KIAA1671: variants seen among roughly 807,000 people sequenced by gnomAD.
The protein encoded by KIAA1671 is KIAA1671, also known as uncharacterized protein KIAA1671.
Under a neutral mutation model 131.2 loss-of-function variants are expected in KIAA1671, and 52 were observed. The ratio of observed to expected loss-of-function variants is 0.40; its 90% CI spans 0.32 to 0.50. The LOEUF is 0.50. Ranked by LOEUF, KIAA1671 falls within the 20% of genes least tolerant of loss-of-function variation. The pLI, the probability that KIAA1671 is intolerant of heterozygous loss-of-function variation, is 0.73. For missense variants in KIAA1671, 2,360 were observed against 2,364.2 expected (o/e 1.00, Z 0.04); for synonymous variants, 1,003 against 961.6 (o/e 1.04, Z -0.80).
intron 6 of KIAA1671, among the ~76,000 whole-genome samples, chr22:25,078,664 G>A (rs1025820873): frequency 3.9e-5 from 6 of 152,226 alleles, no homozygotes; most frequent in African/African-American, 7.2e-5. Context: ...AGCAATTACT[G>A]TTACCAGCTT....
rs1270403113 is a variant in KIAA1671, at chr22:25,027,931, TTTTG to T, written c.-55-6_-55-3del. 102 of 1,205,820 alleles carry T rather than the reference TTTTG, an allele frequency of 8.5e-5. No individual in the cohort carries two copies. Among genetic ancestry groups the T allele is most frequent in the African/African-American group, 1.7e-4 (11 of 65,048 alleles). 74.7% of individuals were successfully genotyped at this position (1,205,820 alleles called of 1,614,324 possible). On this transcript the variant is annotated splice_polypyrimidine_tract_variant and intron_variant, in intron 2 of 12. Transcript: ENST00000358431. ...TTTTCCAAATTTACTTGTTTGTTTG[TTTTG>T]TTTGTTTAGCAATTGCTTCTCCATT...
At chr22:25,105,185 C>G (rs1311945836) in intron 6 of KIAA1671, among the ~76,000 whole-genome samples, 1 of 152,102 alleles carries the variant, frequency 6.6e-6, no homozygotes, top group Non-Finnish European at 1.5e-5. Context: ...CCACTCCCAG[C>G]TAATTTTTAC....
intron 1 of KIAA1671, among the ~76,000 whole-genome samples, chr22:24,994,264 G>T (rs1283877828): frequency 6.6e-6 from 1 of 152,078 alleles, no homozygotes; most frequent in East Asian, 1.9e-4. Flanking sequence ...AGGAAAGAGT[G>T]GTGTCATAGG....
chr22:25,044,430 G>A (rs1283050672), intron 5 of KIAA1671, among the ~76,000 whole-genome samples: 1 of 152,156 alleles, frequency 6.6e-6, no homozygotes, highest in Non-Finnish European at 1.5e-5. Context: ...CCCGCTGGTG[G>A]TGGGGGAGTC....
At chr22:25,145,950 A>T (rs1323047131) in intron 6 of KIAA1671, among the ~76,000 whole-genome samples, 1 of 152,004 alleles carries the variant, frequency 6.6e-6, no homozygotes, top group Non-Finnish European at 1.5e-5. Context: ...TAAAAGAAAA[A>T]AAAAAAAAAA....
At chr22:24,966,371 C>T (rs1281176658) in intron 1 of KIAA1671, among the ~76,000 whole-genome samples, 2 of 152,200 alleles carry the variant, frequency 1.3e-5, no homozygotes, top group Admixed American at 1.3e-4. Context: ...GGTCACTGTA[C>T]ACTCACACCA....
chr22:25,012,938 C>T (rs554570422), intron 1 of KIAA1671: 17 of 152,390 alleles, frequency 1.1e-4, no homozygotes, highest in African/African-American at 4.1e-4. Flanking sequence ...GTGGCTACCT[C>T]CCACCTCTCA....
At chr22:25,051,262 C>T (rs1927517850) in intron 6 of KIAA1671, 1 of 152,228 alleles carries the variant, frequency 6.6e-6, no homozygotes, top group Non-Finnish European at 1.5e-5. Context: ...TGTTCAGCTC[C>T]TATCCTGGTG....
rs561603121 is a variant in KIAA1671 at position 24,996,884 on chromosome 22, T to G, written c.-207-28749T>G. Among the ~76,000 whole-genome samples, 5 of 151,890 alleles carry G rather than the reference T, an allele frequency of 3.3e-5. No homozygotes were observed. The East Asian group carries it at 9.7e-4, about 29-fold the overall frequency. On this transcript the variant is annotated intron_variant, in intron 1 of 12. Coordinates refer to ENST00000358431, the MANE Select transcript of KIAA1671 (RefSeq NM_001145206.2). ...GGGTGCCGCAGCAGGAAAGGGGATT[T>G]GGGGGAGGGGCAGATCCAACAGCAT...
At chr22:24,953,335 C>T (rs1359128097) in intron 1 of KIAA1671, among the ~76,000 whole-genome samples, 1 of 152,012 alleles carries the variant, frequency 6.6e-6, no homozygotes, top group Non-Finnish European at 1.5e-5. Flanking sequence ...TTGGAGGCCC[C>T]GGAGGTGGAA....
intron 6 of KIAA1671, among the ~76,000 whole-genome samples, chr22:25,082,424 G>C (rs1929460293): frequency 6.6e-6 from 1 of 152,148 alleles, no homozygotes; most frequent in Non-Finnish European, 1.5e-5. Context: ...GGGTGTCATT[G>C]ATTTTATCAC....
At chr22:25,096,682 G>A (rs941121908) in intron 6 of KIAA1671, among the ~76,000 whole-genome samples, 2 of 152,148 alleles carry the variant, frequency 1.3e-5, no homozygotes, top group Non-Finnish European at 2.9e-5. Context: ...GAGTTTTGAC[G>A]TATGTGTATT....
chr22:24,974,128 C>T (rs929604060), intron 1 of KIAA1671, among the ~76,000 whole-genome samples: 1 of 152,102 alleles, frequency 6.6e-6, no homozygotes, highest in African/African-American at 2.4e-5. Flanking sequence ...AAGGATTTAT[C>T]AGCCGGACTT....
At chr22:25,096,545 C>G (rs1930398787) in intron 6 of KIAA1671, among the ~76,000 whole-genome samples, 1 of 152,184 alleles carries the variant, frequency 6.6e-6, no homozygotes, top group Non-Finnish European at 1.5e-5. Flanking sequence ...CTAAGACATT[C>G]CCATCCCATG....
chr22:24,980,203 C>T (rs563433299), intron 1 of KIAA1671, among the ~76,000 whole-genome samples: 96 of 151,396 alleles, frequency 6.3e-4, no homozygotes, highest in Non-Finnish European at 1.2e-3. Context: ...CTTGTTTCCA[C>T]GTTTTAGCTA....
At chr22:25,144,830 A>G (rs1342028189) in intron 6 of KIAA1671, among the ~76,000 whole-genome samples, 1 of 152,166 alleles carries the variant, frequency 6.6e-6, no homozygotes, top group Non-Finnish European at 1.5e-5. Flanking sequence ...TCTCCTGGGA[A>G]TCCCCAGACA....
chr22:25,088,978 G>A (rs1929879633), intron 6 of KIAA1671, among the ~76,000 whole-genome samples: 1 of 152,074 alleles, frequency 6.6e-6, no homozygotes, highest in South Asian at 2.1e-4. Context: ...AAAAACATTC[G>A]AAGAAAAATG....
At chr22:24,993,689 G>GTT (rs1288178146) in intron 1 of KIAA1671, among the ~76,000 whole-genome samples, 4 of 152,168 alleles carry the variant, frequency 2.6e-5, no homozygotes, top group African/African-American at 9.7e-5. Flanking sequence ...GAAATTGTGA[G>GTT]TTTATCCACA....
chr22:25,075,131 G>A (rs2145855778), intron 6 of KIAA1671, among the ~76,000 whole-genome samples: 1 of 152,316 alleles, frequency 6.6e-6, no homozygotes, highest in Non-Finnish European at 1.5e-5. Context: ...CTAAATTCCA[G>A]TGGGGGTGAT....
Sources: allele counts gnomAD v4.1 joint callset (sites outside exome capture counted in the v4.1 genomes callset), GRCh38; gene constraint gnomAD v4.1.1; transcripts MANE v1.5; gene names NCBI Gene and HGNC (gene_info 2026-07-23, HGNC 2026-07-21).